The following RGL1 variants were observed in gnomAD, a reference collection of about 807,000 sequenced individuals.
The protein encoded by RGL1 is ral guanine nucleotide dissociation stimulator like 1, also known as ral guanine nucleotide dissociation stimulator-like 1.
A neutral mutation model predicts 95.2 loss-of-function variants in RGL1; 24 were observed. The observed-to-expected ratio is 0.25, with a 90% CI of 0.18 to 0.35. RGL1 has a LOEUF of 0.35. Among genes scored for constraint, RGL1 ranks in the 10% least tolerant of loss-of-function variants. The pLI, the probability that RGL1 is intolerant of heterozygous loss-of-function variation, is 1.00. For synonymous variants in RGL1, 329 were observed against 344.9 expected (o/e 0.95, Z 0.51); for missense variants, 715 against 936.3 (o/e 0.76, Z 3.08).
intron 1 of RGL1, among the ~76,000 whole-genome samples, chr1:183,741,681 C>T (rs752977530): frequency 3.9e-5 from 6 of 152,144 alleles, no homozygotes; most frequent in Non-Finnish European, 8.8e-5. Context: ...TAGCATGGAG[C>T]CTCATATACA....
intron 2 of RGL1, among the ~76,000 whole-genome samples, chr1:183,756,192 A>ATTT (rs34988129): frequency 2.9e-5 from 4 of 140,344 alleles, no homozygotes; most frequent in Non-Finnish European, 1.5e-5. Flanking sequence ...GCCTGAGTTC[A>ATTT]TTTTTTTTTT....
upstream of RGL1, among the ~76,000 whole-genome samples, chr1:183,800,354 C>T (rs185937882): frequency 1.3e-5 from 2 of 152,156 alleles, no homozygotes; most frequent in Non-Finnish European, 2.9e-5. Context: ...TGCATTTGCT[C>T]TTTATCTATT....
At chr1:183,717,949 A>C (rs557990514) in intron 1 of RGL1, among the ~76,000 whole-genome samples, 1 of 152,158 alleles carries the variant, frequency 6.6e-6, no homozygotes. Context: ...ATTTCTGTTA[A>C]AAAGAGCTTG....
At chr1:183,873,192 G>C (rs1416579263) in intron 4 of RGL1, among the ~76,000 whole-genome samples, 2 of 152,082 alleles carry the variant, frequency 1.3e-5, no homozygotes, top group African/African-American at 4.8e-5. Flanking sequence ...TATCTCCTAG[G>C]GTTTTCTACA....
chr1:183,662,563 G>T (rs1274901918), intron 1 of RGL1, among the ~76,000 whole-genome samples: 1 of 152,064 alleles, frequency 6.6e-6, no homozygotes, highest in Non-Finnish European at 1.5e-5. Context: ...AATAAAAGAG[G>T]ATACAAACAA....
chr1:183,927,084 TC>T lies in RGL1; in HGVS notation c.*797del, dbSNP rs1173244819. 6.6e-6 allele frequency: 1 copy of T among 152,526 alleles called. No homozygotes were observed. The highest frequency in any genetic ancestry group is 2.4e-5 in the African/African-American group (1 of 41,396). The allele number at this position is 152,526 out of a possible 1,614,324, so 9.4% of individuals were successfully genotyped here. A position where few individuals can be genotyped will look rare whatever the true frequency, so the allele number is the denominator to read the frequency against. The stretch of plus-strand genomic sequence containing the variant: ...CTGGCAACCCCGTGTATTTCCGTTT[TC>T]CCCCTAAAGAACATATCATAATCAT... On this transcript the variant is annotated 3_prime_UTR_variant, in exon 18 of 18. Coordinates refer to ENST00000360851, the MANE Select transcript of RGL1 (RefSeq NM_001297671.3).
At chr1:183,636,860 T>G (rs1407279781) in intron 1 of RGL1, among the ~76,000 whole-genome samples, 1 of 152,232 alleles carries the variant, frequency 6.6e-6, no homozygotes, top group African/African-American at 2.4e-5. Context: ...TGTATTACAC[T>G]GAAGAACAAA....
At chr1:183,762,352 T>C (rs1023428726) in intron 2 of RGL1, among the ~76,000 whole-genome samples, 8 of 152,170 alleles carry the variant, frequency 5.3e-5, no homozygotes, top group Admixed American at 4.6e-4. Context: ...ATTTCAATAT[T>C]GTCATGTCTC....
chr1:183,647,480 G>T, intron 1 of RGL1: 3 of 781,988 alleles, frequency 3.8e-6, no homozygotes, highest in East Asian at 3.2e-5. Flanking sequence ...AGATCAAGTT[G>T]CTTATGGAAA....
Position 183,883,533 on chromosome 1 carries a change from G to C in RGL1, c.611-253G>C, listed in dbSNP as rs72733463. On this transcript the variant is annotated intron_variant, in intron 5 of 17. Transcript: ENST00000360851. ...TCTAGACTTTGCCTATCCTGGCTCT[G>C]TCCTTGGCCTAGGAGCCAGTGATTT... Among the ~76,000 whole-genome samples the C allele has an allele frequency of 5.0e-3, 758 of 152,276 alleles. 4 individuals are homozygous for C. Among genetic ancestry groups the C allele is most frequent in the Non-Finnish European group, 8.4e-3 (573 of 68,018 alleles).
chr1:183,785,156 ATCT>A (rs1377429023), intron 2 of RGL1, among the ~76,000 whole-genome samples: 1 of 152,024 alleles, frequency 6.6e-6, no homozygotes, highest in Non-Finnish European at 1.5e-5. Flanking sequence ...TCTCCCCATA[ATCT>A]CCATTGCCCC....
chr1:183,805,271 G>A lies in RGL1; in HGVS notation c.-27G>A. 1 of 1,610,560 alleles carries A rather than the reference G, an allele frequency of 6.2e-7. No homozygotes were observed. Among genetic ancestry groups the A allele is most frequent in the Non-Finnish European group, 8.5e-7 (1 of 1,178,970 alleles). ...CTCCGAGCAGGGCGCATCATGCAGCGTTCGCGCACCGGAGAGAAAACTGAG... is the reference window on the plus strand; with the variant it reads ...CTCCGAGCAGGGCGCATCATGCAGCATTCGCGCACCGGAGAGAAAACTGAG... On this transcript the variant is annotated 5_prime_UTR_variant, in exon 1 of 18. Transcript: ENST00000360851.
At chr1:183,758,787 C>G (rs911387290) in intron 2 of RGL1, among the ~76,000 whole-genome samples, 1 of 152,178 alleles carries the variant, frequency 6.6e-6, no homozygotes, top group Non-Finnish European at 1.5e-5. Flanking sequence ...TTTGGGAACA[C>G]AAACATTCAG....
chr1:183,922,658 G>T (rs1017689500), intron 17 of RGL1, among the ~76,000 whole-genome samples: 5 of 147,458 alleles, frequency 3.4e-5, no homozygotes, highest in African/African-American at 1.4e-4. Flanking sequence ...GGGTAGGGGA[G>T]TCTGTTGGGC....
intron 1 of RGL1, among the ~76,000 whole-genome samples, chr1:183,675,858 G>A (rs1349495236): frequency 6.6e-6 from 1 of 152,162 alleles, no homozygotes; most frequent in East Asian, 1.9e-4. Context: ...TAAAAGAGAA[G>A]AAAAAGGCCA....
At chr1:183,863,845 A>G (rs1210299138) in intron 3 of RGL1, among the ~76,000 whole-genome samples, 1 of 152,148 alleles carries the variant, frequency 6.6e-6, no homozygotes, top group Non-Finnish European at 1.5e-5. Context: ...TCTGATCCCA[A>G]TTGAGAAACT....
At chr1:183,850,706 T>C (rs1428718680) in intron 3 of RGL1, among the ~76,000 whole-genome samples, 1 of 152,222 alleles carries the variant, frequency 6.6e-6, no homozygotes, top group Non-Finnish European at 1.5e-5. Context: ...ATAGGCAGGA[T>C]CTTATGTAAT....
intron 2 of RGL1, among the ~76,000 whole-genome samples, chr1:183,814,221 T>C (rs982795399): frequency 6.6e-6 from 1 of 152,078 alleles, no homozygotes. Context: ...GAGAATCATG[T>C]CATTTCCCAC....
chr1:183,752,700 C>T (rs1427867784), intron 2 of RGL1, among the ~76,000 whole-genome samples: 1 of 148,574 alleles, frequency 6.7e-6, no homozygotes, highest in Non-Finnish European at 1.5e-5. Flanking sequence ...CTCTCTCTCT[C>T]TCTCTTTCCC....
Sources: allele counts gnomAD v4.1 joint callset (sites outside exome capture counted in the v4.1 genomes callset), GRCh38; gene constraint gnomAD v4.1.1; transcripts MANE v1.5; gene names NCBI Gene and HGNC (gene_info 2026-07-23, HGNC 2026-07-21).